BOLL: variants seen among roughly 807,000 people sequenced by gnomAD.
BOLL encodes protein boule-like.
In BOLL, 23 loss-of-function variants were observed where a neutral mutation model predicts 44.4. The observed-to-expected ratio is 0.52, with a 90% CI of 0.37 to 0.73. The LOEUF (loss-of-function observed/expected upper bound fraction) is 0.73. Ranked by LOEUF, BOLL falls within the 30% of genes least tolerant of loss-of-function variation. The pLI, the probability that BOLL is intolerant of heterozygous loss-of-function variation, is 0.00. For missense variants in BOLL, 287 were observed against 338.3 expected, an observed-to-expected ratio of 0.85 and a Z score of 1.19; for synonymous variants, 97 against 110.8, an observed-to-expected ratio of 0.88 and a Z score of 0.78.
chr2:197,762,684 A>G (rs745504215), intron 7 of BOLL, among the ~76,000 whole-genome samples: 9 of 152,216 alleles, frequency 5.9e-5, no homozygotes, highest in Admixed American at 3.9e-4. Flanking sequence ...ATTAAGAATG[A>G]AAATAGAAAC....
intron 9 of BOLL, among the ~76,000 whole-genome samples, chr2:197,755,740 G>A (rs1357565542): frequency 6.6e-6 from 1 of 152,174 alleles, no homozygotes; most frequent in Non-Finnish European, 1.5e-5. Context: ...ATTGGGACGT[G>A]TCGGGGCTGG....
rs1440993954 is a variant in BOLL at position 197,728,526 on chromosome 2, T to C, written c.*29A>G. 2 of 1,614,088 alleles carry C rather than the reference T, an allele frequency of 1.2e-6. No individual in the cohort carries two copies. The highest frequency in any genetic ancestry group is 1.7e-5 in the Admixed American group (1 of 60,016). ...CAAGGATCATTGGACAAGAAATCAG[T>C]TGAGCTGGAATAGAGCTGCCCAATT... is the stretch of plus-strand genomic sequence containing the variant. On this transcript the variant is annotated 3_prime_UTR_variant, in exon 11 of 11. Coordinates refer to ENST00000392296, the MANE Select transcript of BOLL (RefSeq NM_033030.6).
intron 1 of BOLL, among the ~76,000 whole-genome samples, chr2:197,784,122 G>A (rs1382752334): frequency 6.6e-6 from 1 of 151,536 alleles, no homozygotes; most frequent in South Asian, 2.1e-4. Context: ...TTGTGGGCTC[G>A]CTCTGCTTAA....
chr2:197,781,619 CATT>C, intron 2 of BOLL, 100 bp downstream of exon 2: 1 of 1,134,292 alleles, frequency 8.8e-7, no homozygotes, highest in Non-Finnish European at 1.2e-6. Context: ...ATCTGTTAAT[CATT>C]ATGCAAATAT....
chr2:197,777,098 A>G lies in BOLL; in HGVS notation c.237T>C (p.Thr79=). ...AGVSKGYGFV[T]FETQEDAQKI... is the part of the protein sequence containing the mutation. ...TTTGTGCATCTTCTTGTGTTTCAAA[A>G]GTGACGAAACCATACCTAAATAAAT... Residue 79 remains threonine, a synonymous_variant, in exon 4 of 11, where the codon ACT becomes ACC. Coordinates refer to ENST00000392296, the MANE Select transcript of BOLL (RefSeq NM_033030.6). 6.4e-7 allele frequency: 1 copy of G among 1,569,458 alleles called. No homozygotes were observed. Among genetic ancestry groups the G allele is most frequent in the Non-Finnish European group, 8.7e-7 (1 of 1,148,896 alleles).
Position 197,760,386 on chromosome 2 carries a change from C to G in BOLL, c.553-2986G>C, listed in dbSNP as rs1369370000. On this transcript the variant is annotated intron_variant, in intron 7 of 10. Transcript: ENST00000392296. ...CAGGCCTGAGAAACAGTCCCATGGGCTGTCCCCAGCAGATGCACCCCCAGG... is the reference window on the plus strand; with the variant it reads ...CAGGCCTGAGAAACAGTCCCATGGGGTGTCCCCAGCAGATGCACCCCCAGG... 2.6e-5 allele frequency among the ~76,000 whole-genome samples: 4 copies of G among 152,166 alleles called. No individual in the cohort carries two copies. The South Asian group carries it at 8.3e-4, about 32-fold the overall frequency.
At chr2:197,758,293 G>A (rs1455644239) in intron 7 of BOLL, among the ~76,000 whole-genome samples, 2 of 152,310 alleles carry the variant, frequency 1.3e-5, no homozygotes, top group South Asian at 4.1e-4. Context: ...ATGTGGTACA[G>A]TGTATCCATA....
At chr2:197,733,742 G>A (rs1278445584) in intron 10 of BOLL, among the ~76,000 whole-genome samples, 1 of 152,128 alleles carries the variant, frequency 6.6e-6, no homozygotes, top group African/African-American at 2.4e-5. Flanking sequence ...ATGGTGCTGG[G>A]AAAACTGGCT....
intron 6 of BOLL, among the ~76,000 whole-genome samples, chr2:197,770,603 A>T (rs1022303992): frequency 4.6e-5 from 7 of 152,222 alleles, no homozygotes; most frequent in Non-Finnish European, 8.8e-5. Flanking sequence ...CCCATCTGAC[A>T]AAGGGCTAAT....
chr2:197,779,806 A>G (rs770398368), intron 2 of BOLL, among the ~76,000 whole-genome samples: 18 of 152,030 alleles, frequency 1.2e-4, no homozygotes, highest in Non-Finnish European at 2.4e-4. Flanking sequence ...GAATACTGAC[A>G]CTAAATTCAT....
At chr2:197,756,401 A>G (rs1258454353) in intron 9 of BOLL, 27 bp downstream of exon 9, 2 of 1,540,648 alleles carry the variant, frequency 1.3e-6, no homozygotes, top group Non-Finnish European at 1.8e-6. Context: ...GTAGTTATAG[A>G]TCAATTACTT....
intron 7 of BOLL, chr2:197,759,037 C>T: frequency 6.6e-7 from 1 of 1,513,158 alleles, no homozygotes; most frequent in Non-Finnish European, 8.9e-7. Flanking sequence ...ATGATGTCAG[C>T]AAGATGGCTG....
intron 9 of BOLL, among the ~76,000 whole-genome samples, chr2:197,755,051 GA>G (rs1451425057): frequency 6.6e-6 from 1 of 152,062 alleles, no homozygotes; most frequent in East Asian, 1.9e-4. Context: ...AAATTCACAA[GA>G]AAAAAACAAA....
intron 6 of BOLL, among the ~76,000 whole-genome samples, chr2:197,768,908 A>C (rs1291961344): frequency 6.6e-6 from 1 of 150,994 alleles, no homozygotes; most frequent in Non-Finnish European, 1.5e-5. Context: ...TCCTGCATCT[A>C]TTGAGATTAA....
At chr2:197,745,133 C>G (rs1687934398) in intron 9 of BOLL, among the ~76,000 whole-genome samples, 1 of 152,110 alleles carries the variant, frequency 6.6e-6, no homozygotes, top group South Asian at 2.1e-4. Flanking sequence ...GCTATATTCT[C>G]AGAATGACAT....
intron 5 of BOLL, 23 bp downstream of exon 5, chr2:197,775,642 A>G (rs758861757): frequency 7.1e-7 from 1 of 1,409,600 alleles, no homozygotes; most frequent in African/African-American, 1.5e-5. Flanking sequence ...ATATTTAAAA[A>G]TACATTAGTT....
intron 7 of BOLL, among the ~76,000 whole-genome samples, chr2:197,760,754 G>C (rs1688720061): frequency 6.6e-6 from 1 of 152,144 alleles, no homozygotes; most frequent in Non-Finnish European, 1.5e-5. Flanking sequence ...GAATCTAGCA[G>C]ATTCAATCTA....
At chr2:197,765,370 C>A (rs937727840) in intron 7 of BOLL, among the ~76,000 whole-genome samples, 1 of 151,586 alleles carries the variant, frequency 6.6e-6, no homozygotes, top group Non-Finnish European at 1.5e-5. Context: ...ATCCAAAACA[C>A]CTCCAAAATT....
intron 10 of BOLL, among the ~76,000 whole-genome samples, chr2:197,730,721 T>C (rs1206400930): frequency 2.2e-4 from 34 of 151,552 alleles, no homozygotes; most frequent in African/African-American, 7.7e-4. Flanking sequence ...CTAAGCTTCA[T>C]AAGTGAAGGA....
Sources: allele counts gnomAD v4.1 joint callset (sites outside exome capture counted in the v4.1 genomes callset), GRCh38; gene constraint gnomAD v4.1.1; transcripts MANE v1.5; gene names NCBI Gene and HGNC (gene_info 2026-07-23, HGNC 2026-07-21).